Variants in MALRD1 observed in about 807,000 individuals in gnomAD.
MALRD1 encodes MAM and LDL-receptor class A domain-containing protein 1.
In MALRD1, 247 loss-of-function variants were observed where a neutral mutation model predicts 242.1. That is an observed-to-expected ratio of 1.02 (90% CI 0.92 to 1.13). The LOEUF is 1.13. Among genes scored for constraint, MALRD1 ranks in the 50% most tolerant of loss-of-function variants. MALRD1 has a pLI of 0.00. For synonymous variants in MALRD1, 995 were observed against 866.6 expected, an observed-to-expected ratio of 1.15 and a Z score of -2.60; for missense variants, 2,989 against 2,533.1, an observed-to-expected ratio of 1.18 and a Z score of -3.86.
chr10:19,086,819 G>A (rs1564382043), intron 2 of MALRD1, among the ~76,000 whole-genome samples: 1 of 152,074 alleles, frequency 6.6e-6, no homozygotes, highest in African/African-American at 2.4e-5. Flanking sequence ...GGTTCAGGAT[G>A]GGCGAGCTTA....
intron 18 of MALRD1, among the ~76,000 whole-genome samples, chr10:19,244,942 C>CGTCT: frequency 6.6e-6 from 1 of 152,122 alleles, no homozygotes; most frequent in South Asian, 2.1e-4. Context: ...TGAACTAAGA[C>CGTCT]CATCAAGAGA....
intron 33 of MALRD1, among the ~76,000 whole-genome samples, chr10:19,581,597 A>G (rs1211457799): frequency 6.8e-5 from 10 of 147,314 alleles, no homozygotes; most frequent in African/African-American, 2.5e-4. Context: ...TATGTGCCAC[A>G]TTTTCTTAAT....
intron 26 of MALRD1, among the ~76,000 whole-genome samples, chr10:19,383,290 G>C (rs895960997): frequency 1.3e-5 from 2 of 152,084 alleles, no homozygotes; most frequent in Non-Finnish European, 2.9e-5. Context: ...ATTGATAAGT[G>C]AGAACATACG....
chr10:19,063,503 G>T (rs1485340959), intron 1 of MALRD1, among the ~76,000 whole-genome samples: 1 of 152,032 alleles, frequency 6.6e-6, no homozygotes, highest in Non-Finnish European at 1.5e-5. Context: ...TCAAAATCAT[G>T]CCTCAAGCTG....
At chr10:19,691,337 G>A (rs1213748409) in intron 36 of MALRD1, among the ~76,000 whole-genome samples, 1 of 152,070 alleles carries the variant, frequency 6.6e-6, no homozygotes. Flanking sequence ...TTGCTTTTGT[G>A]AAGGAATTAC....
chr10:19,380,597 C>T (rs1845795299), intron 26 of MALRD1, among the ~76,000 whole-genome samples: 1 of 151,922 alleles, frequency 6.6e-6, no homozygotes, highest in Non-Finnish European at 1.5e-5. Context: ...TTTATATAGT[C>T]TTTACCATAG....
At chr10:19,724,764 A>G (rs1482952235) in intron 38 of MALRD1, among the ~76,000 whole-genome samples, 1 of 152,224 alleles carries the variant, frequency 6.6e-6, no homozygotes, top group African/African-American at 2.4e-5. Context: ...AACGCATTCA[A>G]ATTGGAAAAG....
At chr10:19,368,921 G>GTGTGTA (rs1564599912) in intron 26 of MALRD1, among the ~76,000 whole-genome samples, 1 of 146,802 alleles carries the variant, frequency 6.8e-6, no homozygotes, top group African/African-American at 2.5e-5. Context: ...GTGTGTGTGT[G>GTGTGTA]TATGTAATTT....
At chr10:19,274,855 G>A (rs576969503) in intron 19 of MALRD1, among the ~76,000 whole-genome samples, 7 of 147,432 alleles carry the variant, frequency 4.7e-5, no homozygotes, top group Non-Finnish European at 1.1e-4. Flanking sequence ...AGTGTTTAAT[G>A]GATATAGTTT....
intron 36 of MALRD1, among the ~76,000 whole-genome samples, chr10:19,628,585 A>C (rs904238830): frequency 2.0e-5 from 3 of 152,100 alleles, no homozygotes; most frequent in African/African-American, 7.2e-5. Context: ...AAAAAAGGAA[A>C]CTGGTGAGTT....
intron 29 of MALRD1, among the ~76,000 whole-genome samples, chr10:19,488,062 C>T (rs1837313171): frequency 6.6e-6 from 1 of 151,516 alleles, no homozygotes; most frequent in Non-Finnish European, 1.5e-5. Context: ...AACAAAGGAA[C>T]TGCTGAATTT....
intron 38 of MALRD1, among the ~76,000 whole-genome samples, chr10:19,723,994 G>A (rs1834896252): frequency 6.6e-6 from 1 of 152,184 alleles, no homozygotes; most frequent in South Asian, 2.1e-4. Flanking sequence ...GGAGTTCAAG[G>A]CTGCAGTGAG....
chr10:19,499,009 T>C (rs1325013698), intron 31 of MALRD1, among the ~76,000 whole-genome samples: 1 of 152,182 alleles, frequency 6.6e-6, no homozygotes, highest in East Asian at 1.9e-4. Flanking sequence ...TATCCTGTTG[T>C]GACAATGGCC....
intron 19 of MALRD1, among the ~76,000 whole-genome samples, chr10:19,261,110 A>C (rs1839727428): frequency 6.6e-6 from 1 of 152,234 alleles, no homozygotes; most frequent in South Asian, 2.1e-4. Context: ...CAGAAAAGAA[A>C]CACAAGTCAC....
intron 11 of MALRD1, among the ~76,000 whole-genome samples, chr10:19,147,502 G>C (rs1833764303): frequency 6.6e-6 from 1 of 152,228 alleles, no homozygotes; most frequent in South Asian, 2.1e-4. Context: ...ATAGAAAGGG[G>C]ACTATAAATC....
chr10:19,591,044 A>T (rs937113012), intron 33 of MALRD1, among the ~76,000 whole-genome samples: 4 of 152,120 alleles, frequency 2.6e-5, no homozygotes, highest in African/African-American at 9.7e-5. Flanking sequence ...CCTGTGCTCT[A>T]CCTATTCATT....
At chr10:19,316,192 C>T (rs1403182660) in intron 21 of MALRD1, among the ~76,000 whole-genome samples, 1 of 151,430 alleles carries the variant, frequency 6.6e-6, no homozygotes, top group African/African-American at 2.4e-5. Flanking sequence ...TATACATGTT[C>T]TATTAACACT....
chr10:19,152,093 A>G (rs910582382), intron 11 of MALRD1, among the ~76,000 whole-genome samples: 1 of 152,116 alleles, frequency 6.6e-6, no homozygotes, highest in African/African-American at 2.4e-5. Flanking sequence ...TTTAATTTTT[A>G]TATTGTGCTG....
chr10:19,220,315 A>G (rs1326001661), intron 18 of MALRD1, among the ~76,000 whole-genome samples: 1 of 152,154 alleles, frequency 6.6e-6, no homozygotes, highest in Non-Finnish European at 1.5e-5. Context: ...AGCCAGGCTC[A>G]ACTTGTAGAG....
Sources: gnomAD v4.1 joint callset for allele counts (sites outside exome capture counted in the v4.1 genomes callset) on GRCh38, gnomAD v4.1.1 for gene constraint, MANE v1.5 for transcripts, NCBI Gene and HGNC (gene_info 2026-07-23, HGNC 2026-07-21) for gene names.